The following ARMC9 variants were observed in gnomAD, a reference collection of about 807,000 sequenced individuals.
The protein encoded by ARMC9 is lisH domain-containing protein ARMC9.
Under a neutral mutation model 107.0 loss-of-function variants are expected in ARMC9, and 94 were observed. The observed-to-expected ratio is 0.88, with a 90% confidence interval of 0.74 to 1.04. The LOEUF is 1.04. Among genes scored for constraint, ARMC9 ranks in the 50% least tolerant of loss-of-function variants. The probability of loss-of-function intolerance (pLI) is 0.00; values close to 1 mark genes in which losing one functional copy is unlikely to be tolerated. For synonymous variants in ARMC9, 380 were observed against 396.9 expected, an observed-to-expected ratio of 0.96 and a Z score of 0.51; for missense variants, 942 against 1,030.1, an observed-to-expected ratio of 0.91 and a Z score of 1.17.
At chr2:231,356,561 C>CG (rs1440063686) in intron 22 of ARMC9, among the ~76,000 whole-genome samples, 1 of 152,010 alleles carries the variant, frequency 6.6e-6, no homozygotes, top group African/African-American at 2.4e-5. Context: ...AACAGAGGAA[C>CG]GGGTTGGATT....
At chr2:231,256,933 G>T (rs547528580) in intron 10 of ARMC9, among the ~76,000 whole-genome samples, 1 of 152,206 alleles carries the variant, frequency 6.6e-6, no homozygotes, top group South Asian at 2.1e-4. Context: ...TCAAGCGATT[G>T]TCCTGCCTCA....
intron 21 of ARMC9, among the ~76,000 whole-genome samples, chr2:231,350,969 T>TG (rs2045047945): frequency 7.6e-6 from 1 of 131,860 alleles, no homozygotes; most frequent in East Asian, 2.1e-4. Flanking sequence ...TTTTTTTTTT[T>TG]TTTTTTTGAG....
At chr2:231,371,456 G>A in intron 24 of ARMC9, 57 bp from the exon 25 acceptor site, 2 of 1,301,160 alleles carry the variant, frequency 1.5e-6, no homozygotes, top group Non-Finnish European at 1.9e-6. Flanking sequence ...TGGGACAGAG[G>A]GGATTCTGTG....
In ARMC9 at chr2:231,375,013, G is replaced by A. The variant is rs2046154445; in HGVS notation, c.*3478G>A. On this transcript the variant is annotated 3_prime_UTR_variant, in exon 25 of 25. Transcript: ENST00000611582. The surrounding 1 kb of genome is among the most constrained non-coding windows in gnomAD (Gnocchi z 4.3). Reference sequence around the variant, plus strand: ...TTTATCTCTCCAGATACTATTTGGGGTGTGCTGTTCTAAGAAGTGATTAGG... The same window carrying A: ...TTTATCTCTCCAGATACTATTTGGGATGTGCTGTTCTAAGAAGTGATTAGG... Among the ~76,000 whole-genome samples, 1 of 152,214 alleles carries A rather than the reference G, an allele frequency of 6.6e-6. No individual in the cohort carries two copies. The highest frequency in any genetic ancestry group is 2.4e-5 in the African/African-American group (1 of 41,448).
Position 231,372,684 on chromosome 2 carries a change from C to A in ARMC9, c.*1149C>A, listed in dbSNP as rs1490366061. On this transcript the variant is annotated 3_prime_UTR_variant, in exon 25 of 25. Coordinates refer to ENST00000611582, the MANE Select transcript of ARMC9 (RefSeq NM_001352754.2). ...CCCAAGCTCTAAAATCAAATAAAAC[C>A]CATCAGTATTTAGTGGTGTGTGTGT... The A allele has an allele frequency of 1.3e-5, 2 of 149,464 alleles. No homozygotes were observed. The highest frequency in any genetic ancestry group is 6.7e-5 in the Admixed American group (1 of 14,836). The allele number at this position is 149,464 out of a possible 1,614,324, so 9.3% of individuals were successfully genotyped here.
intron 6 of ARMC9, among the ~76,000 whole-genome samples, chr2:231,225,155 T>C (rs1469851219): frequency 1.3e-5 from 2 of 152,258 alleles, no homozygotes; most frequent in Non-Finnish European, 1.5e-5. Flanking sequence ...AATACAGACA[T>C]ACACCCAAAT....
chr2:231,273,174 A>G (rs1394186223), intron 14 of ARMC9, 96 bp downstream of exon 14: 3 of 1,491,404 alleles, frequency 2.0e-6, no homozygotes, highest in Non-Finnish European at 2.7e-6. Context: ...TTTTTCCACT[A>G]CACTTTGGAG....
At chr2:231,244,222 A>C (rs2036554767) in intron 9 of ARMC9, among the ~76,000 whole-genome samples, 1 of 152,240 alleles carries the variant, frequency 6.6e-6, no homozygotes, top group Admixed American at 6.5e-5. Flanking sequence ...CACTGTTAAA[A>C]ATTCAAAAGG....
intron 8 of ARMC9, among the ~76,000 whole-genome samples, chr2:231,235,667 A>G (rs909205820): frequency 6.6e-6 from 1 of 151,972 alleles, no homozygotes; most frequent in African/African-American, 2.4e-5. Context: ...TTTGAGATGG[A>G]GTTTTGCTCT....
intron 3 of ARMC9, 42 bp downstream of exon 3, chr2:231,208,294 A>T: frequency 6.7e-7 from 1 of 1,492,424 alleles, no homozygotes; most frequent in Non-Finnish European, 9.3e-7. Context: ...ATAATTCAGG[A>T]TGCTCCCAAC....
rs2046069072 is a variant in ARMC9, at chr2:231,372,700, G to GT, written c.*1166dup. ...AAATAAAACCCATCAGTATTTAGTG[G>GT]TGTGTGTGTGTGTGTGTGTGTGTGT... On this transcript the variant is annotated 3_prime_UTR_variant, in exon 25 of 25. Coordinates refer to ENST00000611582, the MANE Select transcript of ARMC9 (RefSeq NM_001352754.2). 3.0e-4 allele frequency: 1 copy of GT among 3,314 alleles called. No individual in the cohort carries two copies. The highest frequency in any genetic ancestry group is 8.5e-4 in the Non-Finnish European group (1 of 1,180). The allele number at this position is 3,314 out of a possible 1,614,324, so 0.2% of individuals were successfully genotyped here.
At chr2:231,225,894 T>C (rs569256763) in intron 6 of ARMC9, among the ~76,000 whole-genome samples, 2 of 152,248 alleles carry the variant, frequency 1.3e-5, no homozygotes, top group Non-Finnish European at 2.9e-5. Context: ...TTTGCTCTTG[T>C]CACCCATGCT....
At chr2:231,321,850 C>G (rs1032065179) in intron 19 of ARMC9, among the ~76,000 whole-genome samples, 1 of 152,172 alleles carries the variant, frequency 6.6e-6, no homozygotes, top group African/African-American at 2.4e-5. Flanking sequence ...CACTTCCTGT[C>G]CCACTGAGCC....
chr2:231,290,547 A>G (rs576588644), intron 17 of ARMC9, among the ~76,000 whole-genome samples: 5 of 152,306 alleles, frequency 3.3e-5, no homozygotes, highest in African/African-American at 1.2e-4. Flanking sequence ...CAGTGGTTAG[A>G]GGCCTCGTCA....
At position 231,240,875 on chromosome 2, in the gene ARMC9, G is replaced by A. The variant is rs550161735; in HGVS notation, c.879+834G>A. Among the ~76,000 whole-genome samples the A allele has an allele frequency of 7.9e-5, 12 of 152,194 alleles. 1 individual carries two copies. In the South Asian group the frequency reaches 2.3e-3, roughly 29 times the overall value. On this transcript the variant is annotated intron_variant, in intron 9 of 24. Coordinates refer to ENST00000611582, the MANE Select transcript of ARMC9 (RefSeq NM_001352754.2). ...TGAGTTACATGACATTAACATGTTA[G>A]AAGAATATAATTTTCCCCCTTTAAA...
chr2:231,332,096 G>A (rs2043780964), intron 20 of ARMC9, among the ~76,000 whole-genome samples, 199 bp downstream of exon 20: 1 of 152,220 alleles, frequency 6.6e-6, no homozygotes, highest in South Asian at 2.1e-4. Flanking sequence ...AAGTAGACAG[G>A]TGTACGGATT....
chr2:231,240,008 G>A lies in ARMC9; in HGVS notation c.846G>A (p.Leu282=), dbSNP rs1363227045. The A allele has an allele frequency of 6.2e-7, 1 of 1,613,756 alleles. No homozygotes were observed. Among genetic ancestry groups the A allele is most frequent in the Non-Finnish European group, 8.5e-7 (1 of 1,179,920 alleles). ...TCAGTAACCAGATGCGGCAGAGCCT[G>A]GCGCATAGTGTGGACTTCACGAGGC... ...RLFSNQMRQS[L]AHSVDFTRPG... The change falls in exon 9 of 25, where the codon CTG becomes CTA. Residue 282 remains leucine, a synonymous_variant. Coordinates refer to ENST00000611582, the MANE Select transcript of ARMC9 (RefSeq NM_001352754.2).
At chr2:231,272,928 C>G (rs1559384430) in intron 13 of ARMC9, 27 bp from the exon 14 acceptor site, 3 of 1,602,512 alleles carry the variant, frequency 1.9e-6, no homozygotes, top group Non-Finnish European at 1.7e-6. Flanking sequence ...CTGTCTTTCA[C>G]CTGTTTCATC....
intron 19 of ARMC9, among the ~76,000 whole-genome samples, chr2:231,324,274 C>T (rs774061360): frequency 2.0e-5 from 3 of 151,346 alleles, no homozygotes; most frequent in Non-Finnish European, 3.0e-5. Context: ...ACTACAGGCA[C>T]ACGCCACCAC....
Sources: gnomAD v4.1 joint callset for allele counts (sites outside exome capture counted in the v4.1 genomes callset) on GRCh38, gnomAD v4.1.1 for gene constraint, Gnocchi (gnomAD v3.1) non-coding constraint, MANE v1.5 for transcripts, NCBI Gene and HGNC (gene_info 2026-07-23, HGNC 2026-07-21) for gene names.